Variants in BCL2L11 observed in about 807,000 individuals in gnomAD.
The protein encoded by BCL2L11 is bcl-2-like protein 11.
BCL2L11 carries 15 observed loss-of-function variants against 20.6 expected under a neutral mutation model. The observed-to-expected ratio is 0.73, with a 90% CI of 0.49 to 1.12. BCL2L11 has a LOEUF of 1.12. Among genes scored for constraint, BCL2L11 ranks in the 50% most tolerant of loss-of-function variants. The pLI is 0.00. For missense variants in BCL2L11, 292 were observed against 260.9 expected (o/e 1.12, Z -0.82); for synonymous variants, 108 against 92.8 (o/e 1.16, Z -0.94).
At chr2:111,153,730 A>T in intron 3 of BCL2L11, 1 of 1,551,312 alleles carries the variant, frequency 6.4e-7, no homozygotes, top group Non-Finnish European at 8.7e-7. Flanking sequence ...TTAGTCTTTT[A>T]TTGCCACGAG....
rs10190492 is a variant in BCL2L11 at position 111,151,181 on chromosome 2, T to G, written c.498+1034T>G. Among the ~76,000 whole-genome samples the G allele has an allele frequency of 2.0e-5, 3 of 152,200 alleles. No individual in the cohort carries two copies. The East Asian group carries it at 5.8e-4, about 29-fold the overall frequency. ...CCTCCCAAAGTGCTGGGATTACAGG[T>G]GTGAGCCTCTGCGCCTGGCCGCATG... On this transcript the variant is annotated intron_variant, in intron 3 of 3. Coordinates refer to ENST00000393256, the MANE Select transcript of BCL2L11 (RefSeq NM_138621.5).
chr2:111,126,089 C>T (rs1263068967), intron 2 of BCL2L11, among the ~76,000 whole-genome samples: 4 of 152,152 alleles, frequency 2.6e-5, no homozygotes, highest in Non-Finnish European at 5.9e-5. Context: ...TAACCAGTTC[C>T]CTTTCAAGCA....
At chr2:111,151,442 CCTTCT>C (rs937148221) in intron 3 of BCL2L11, among the ~76,000 whole-genome samples, 7 of 152,096 alleles carry the variant, frequency 4.6e-5, no homozygotes, top group East Asian at 3.9e-4. Context: ...TATTCTTACC[CCTTCT>C]CTTTTAGCTC....
At chr2:111,153,733 GCCA>G in intron 3 of BCL2L11, 1 of 1,551,464 alleles carries the variant, frequency 6.4e-7, no homozygotes, top group South Asian at 1.2e-5. Context: ...GTCTTTTATT[GCCA>G]CGAGCCTTGC....
chr2:111,135,647 C>A (rs905055717), intron 2 of BCL2L11, among the ~76,000 whole-genome samples: 1 of 152,140 alleles, frequency 6.6e-6, no homozygotes, highest in Non-Finnish European at 1.5e-5. Flanking sequence ...CTTTAATTAG[C>A]CAGATGGGGC....
chr2:111,127,878 A>G (rs1240557145), intron 2 of BCL2L11, among the ~76,000 whole-genome samples: 1 of 152,198 alleles, frequency 6.6e-6, no homozygotes, highest in African/African-American at 2.4e-5. Context: ...AATTGTTTTC[A>G]TATGGGTTAC....
At chr2:111,123,010 CCTAGTT>C in intron 1 of BCL2L11, 1 of 984,266 alleles carries the variant, frequency 1.0e-6, no homozygotes, top group Non-Finnish European at 1.2e-6. Flanking sequence ...AGCCTGCGGA[CCTAGTT>C]GTAGACCTTG....
intron 1 of BCL2L11, chr2:111,123,359 G>T: frequency 1.0e-6 from 1 of 985,488 alleles, no homozygotes; most frequent in Non-Finnish European, 1.2e-6. Flanking sequence ...GTGCTCCGGC[G>T]TCCTACCTAA....
intron 2 of BCL2L11, among the ~76,000 whole-genome samples, chr2:111,147,390 A>ACACACACACACCCC (rs1039299406): frequency 7.2e-6 from 1 of 138,256 alleles, no homozygotes; most frequent in East Asian, 2.2e-4. Context: ...ACACACACAC[A>ACACACACACACCCC]CCCGCCATTT....
At chr2:111,128,704 C>G (rs1182119461) in intron 2 of BCL2L11, 1 of 1,550,618 alleles carries the variant, frequency 6.4e-7, no homozygotes. Flanking sequence ...GTATGGCCAC[C>G]ACCATAGTCA....
chr2:111,149,117 A>G (rs749984809), intron 2 of BCL2L11, among the ~76,000 whole-genome samples: 2 of 152,228 alleles, frequency 1.3e-5, no homozygotes, highest in Non-Finnish European at 2.9e-5. Flanking sequence ...CATTTCCTGT[A>G]CACGTTACTG....
At position 111,168,132 on chromosome 2, in the gene BCL2L11, A is replaced by G. The variant is rs974504344; in HGVS notation, c.*3901A>G. 1 of 151,908 alleles carries G rather than the reference A, an allele frequency of 6.6e-6. No homozygotes were observed. The highest frequency in any genetic ancestry group is 1.5e-5 in the Non-Finnish European group (1 of 67,996). 9.4% of individuals were successfully genotyped at this position (151,908 alleles called of 1,614,324 possible). On this transcript the variant is annotated 3_prime_UTR_variant, in exon 4 of 4. Coordinates refer to ENST00000393256, the MANE Select transcript of BCL2L11 (RefSeq NM_138621.5). ...AGTAACTTGACTACTTTTATTTGGG[A>G]ATTTCAGACTATAGAAGCTCTCTTA... is the stretch of plus-strand genomic sequence containing the variant.
In BCL2L11 at chr2:111,123,960, C is replaced by T. The variant is rs1284615318; in HGVS notation, c.215C>T (p.Pro72Leu). The part of the protein sequence containing the change: ...GPLAPPASPG[P>L]FATRSPLFIF... ...CTGGCCCCACCTGCCAGCCCTGGCC[C>T]TTTTGCTACCAGATCCCCGCTTTTC... Residue 72 changes from proline (P) to leucine (L), a missense_variant, in exon 2 of 4, where the codon CCT becomes CTT. Transcript: ENST00000393256. 6.2e-7 allele frequency: 1 copy of T among 1,614,122 alleles called. No homozygotes were observed. Among genetic ancestry groups the T allele is most frequent in the Non-Finnish European group, 8.5e-7 (1 of 1,180,046 alleles).
At chr2:111,131,126 A>G (rs1413622903) in intron 2 of BCL2L11, among the ~76,000 whole-genome samples, 2 of 150,178 alleles carry the variant, frequency 1.3e-5, no homozygotes, top group African/African-American at 2.5e-5. Flanking sequence ...TATTTTCAGG[A>G]CGATATTGTG....
At chr2:111,133,568 T>G (rs113170895) in intron 2 of BCL2L11, among the ~76,000 whole-genome samples, 28 of 152,326 alleles carry the variant, frequency 1.8e-4, no homozygotes, top group African/African-American at 6.5e-4. Context: ...GATTCTGTTA[T>G]GGTCAGAGAG....
Position 111,164,487 on chromosome 2 carries a change from GT to G in BCL2L11, c.*262del. On this transcript the variant is annotated 3_prime_UTR_variant, in exon 4 of 4. Transcript: ENST00000393256. The stretch of plus-strand genomic sequence containing the variant: ...TTTGCTTTTTAATATACAAACCATG[GT>G]TTTTTGGAGCAGGATTTTGTGTAAG... 1 of 337,556 alleles carries G rather than the reference GT, an allele frequency of 3.0e-6. No homozygotes were observed. Among genetic ancestry groups the G allele is most frequent in the Non-Finnish European group, 5.4e-6 (1 of 184,080 alleles). 20.9% of individuals were successfully genotyped at this position (337,556 alleles called of 1,614,324 possible).
At chr2:111,122,773 C>T in intron 1 of BCL2L11, 19 of 985,236 alleles carry the variant, frequency 1.9e-5, no homozygotes, top group Non-Finnish European at 2.0e-5. Flanking sequence ...TGCGCTGCGC[C>T]GGGGACTCTG....
intron 2 of BCL2L11, among the ~76,000 whole-genome samples, chr2:111,128,382 T>C (rs189879066): frequency 6.6e-6 from 1 of 152,266 alleles, no homozygotes; most frequent in African/African-American, 2.4e-5. Context: ...TTGGCTATTG[T>C]GAGTAGTGCT....
intron 2 of BCL2L11, chr2:111,144,540 A>G (rs2076253500): frequency 2.6e-6 from 4 of 1,550,130 alleles, no homozygotes; most frequent in African/African-American, 1.4e-5. Flanking sequence ...ATAAGGAAAC[A>G]TAAGGGGGCT....
Sources: gnomAD v4.1 joint callset for allele counts (sites outside exome capture counted in the v4.1 genomes callset) on GRCh38, gnomAD v4.1.1 for gene constraint, MANE v1.5 for transcripts, NCBI Gene and HGNC (gene_info 2026-07-23, HGNC 2026-07-21) for gene names.